ABCC3: variants seen among roughly 807,000 people sequenced by gnomAD.
ABCC3 encodes ATP-binding cassette sub-family C member 3.
Under a neutral mutation model 165.3 loss-of-function variants are expected in ABCC3, and 121 were observed. That is an observed-to-expected ratio of 0.73 (90% CI 0.63 to 0.85). ABCC3 has a LOEUF of 0.85. Ranked by LOEUF, ABCC3 falls within the 40% of genes least tolerant of loss-of-function variation. ABCC3 has a pLI of 0.00. For missense variants in ABCC3, 1,869 were observed against 1,964.1 expected, an observed-to-expected ratio of 0.95 and a Z score of 0.92; for synonymous variants, 733 against 810.1, an observed-to-expected ratio of 0.90 and a Z score of 1.62.
rs1400933746 is a variant in ABCC3, at chr17:50,656,016, G to C, written c.222+8G>C. The C allele has an allele frequency of 2.5e-6, 4 of 1,611,478 alleles. No individual in the cohort carries two copies. Among genetic ancestry groups the C allele is most frequent in the African/African-American group, 1.3e-5 (1 of 74,836 alleles). ...CTGTCCAAGCTCAAGATGGTCAGTG[G>C]CTCAGGGATCTCCTACCGATGGGGC... is the stretch of plus-strand genomic sequence containing the variant. On this transcript the variant is annotated splice_region_variant and intron_variant, in intron 2 of 30. Coordinates refer to ENST00000285238, the MANE Select transcript of ABCC3 (RefSeq NM_003786.4).
rs748069644 is a variant in ABCC3, at chr17:50,664,099, C to A, written c.1326C>A (p.Tyr442Ter). The change falls in exon 10 of 31, where the codon TAC becomes TAA. Residue 442 changes from tyrosine to a stop codon, truncating the protein, a stop_gained. Transcript: ENST00000285238. LOFTEE classifies it high-confidence loss of function. ...SAPLQIILAI[Y>*]FLWQNLGPSV... ...CCCTGCAGATCATCCTGGCGATCTA[C>A]TTCCTCTGGCAGGTGACTCTCCAAC... 1.2e-6 allele frequency: 2 copies of A among 1,614,214 alleles called. No homozygotes were observed. The highest frequency in any genetic ancestry group is 1.7e-6 in the Non-Finnish European group (2 of 1,180,032).
In ABCC3 at chr17:50,656,735, G is replaced by A. The variant is rs375256776; in HGVS notation, c.256G>A (p.Ala86Thr). The change falls in exon 3 of 31, where the codon GCG (alanine) becomes ACG (threonine). Residue 86 changes from alanine (A) to threonine (T), a missense_variant. Transcript: ENST00000285238. ...TGTCCTGCTGTGGTGCGTCTCCTGG[G>A]CGGACCTTTTTTACTCCTTCCATGG... The part of the protein sequence containing the change: ...LGVLLWCVSW[A>T]DLFYSFHGLV... 6.2e-7 allele frequency: 1 copy of A among 1,613,802 alleles called. No individual in the cohort carries two copies. The highest frequency in any genetic ancestry group is 1.7e-5 in the Admixed American group (1 of 59,932).
intron 1 of ABCC3, among the ~76,000 whole-genome samples, chr17:50,637,974 A>G (rs1276991202): frequency 6.6e-6 from 1 of 152,208 alleles, no homozygotes. Flanking sequence ...GGACATGTGT[A>G]CACACATCTG....
rs184496253 is a variant in ABCC3 at position 50,663,488 on chromosome 17, G to A, written c.999-193G>A. The A allele has an allele frequency of 2.4e-4, 149 of 618,492 alleles. No homozygotes were observed. The African/African-American group carries it at 2.6e-3, about 11-fold the overall frequency. The allele number at this position is 618,492 out of a possible 1,614,324, so 38.3% of individuals were successfully genotyped here. On this transcript the variant is annotated intron_variant, in intron 8 of 30. Transcript: ENST00000285238. ...ATGGTGGATAGAGAACGAGGTGAAGGCAGAGTGGAGCCAGGAGGTCGTGGT... is the reference window on the plus strand; with the variant it reads ...ATGGTGGATAGAGAACGAGGTGAAGACAGAGTGGAGCCAGGAGGTCGTGGT...
At chr17:50,684,161 C>G (rs1967979903) in intron 28 of ABCC3, 54 bp downstream of exon 28, 3 of 1,584,174 alleles carry the variant, frequency 1.9e-6, no homozygotes, top group African/African-American at 1.4e-5. Context: ...GAGGCAGGCC[C>G]CACCTTGTTC....
intron 8 of ABCC3, 112 bp downstream of exon 8, chr17:50,661,226 G>A: frequency 1.7e-6 from 2 of 1,166,628 alleles, no homozygotes; most frequent in Non-Finnish European, 2.3e-6. Context: ...AGGAACCAGG[G>A]AGGCTAGCTC....
rs1398694533 is a variant in ABCC3, at chr17:50,673,082, G to A, written c.2353G>A (p.Val785Met). The part of the protein sequence containing the change: ...DDPLSAVDSH[V>M]AKHIFDHVIG... ...CCCACTGTCCGCGGTGGACTCTCAT[G>A]TGGCCAAGCACATCTTTGACCACGT... Residue 785 changes from valine to methionine, a missense_variant, in exon 18 of 31, where the codon GTG becomes ATG. Transcript: ENST00000285238. The A allele has an allele frequency of 6.2e-7, 1 of 1,614,172 alleles. No individual in the cohort carries two copies. Among genetic ancestry groups the A allele is most frequent in the Non-Finnish European group, 8.5e-7 (1 of 1,180,042 alleles).
At chr17:50,668,721 C>A in intron 14 of ABCC3, 132 bp from the exon 15 acceptor site, 1 of 842,574 alleles carries the variant, frequency 1.2e-6, no homozygotes, top group East Asian at 2.6e-5. Context: ...TTCTTCCTCC[C>A]TTTTCCCAAG....
At chr17:50,636,138 G>T (rs148024934) in intron 1 of ABCC3, among the ~76,000 whole-genome samples, 1 of 152,160 alleles carries the variant, frequency 6.6e-6, no homozygotes, top group Non-Finnish European at 1.5e-5. Flanking sequence ...CATTAAAGGG[G>T]TGTCCAGGGC....
intron 6 of ABCC3, among the ~76,000 whole-genome samples, chr17:50,658,955 C>T (rs962686101): frequency 6.6e-6 from 1 of 152,190 alleles, no homozygotes; most frequent in Non-Finnish European, 1.5e-5. Flanking sequence ...ACCCAGGGCC[C>T]CAGGCAGCGT....
Position 50,634,997 on chromosome 17 carries a change from C to T in ABCC3, c.45+16C>T. The T allele has an allele frequency of 7.9e-7, 1 of 1,258,614 alleles. No homozygotes were observed. The highest frequency in any genetic ancestry group is 1.0e-6 in the Non-Finnish European group (1 of 1,000,296). The allele number at this position is 1,258,614 out of a possible 1,614,324, so 78.0% of individuals were successfully genotyped here. A position where few individuals can be genotyped will look rare whatever the true frequency, so the allele number is the denominator to read the frequency against. ...CAAGTTCTGGGTAAGGCGCGGGGCT[C>T]CGGGGTCACTGCGCGGGGGCCAGGG... On this transcript the variant is annotated intron_variant, in intron 1 of 30. Transcript: ENST00000285238.
intron 30 of ABCC3, 25 bp from the exon 31 acceptor site, chr17:50,691,067 G>T: frequency 6.3e-7 from 1 of 1,587,226 alleles, no homozygotes; most frequent in South Asian, 1.1e-5. Context: ...ATGGAAACCT[G>T]ACCACTTCTC....
intron 1 of ABCC3, chr17:50,643,687 C>T (rs1292371404): frequency 2.2e-6 from 1 of 455,148 alleles, no homozygotes; most frequent in Non-Finnish European, 4.4e-6. Context: ...GGCCTGTCAC[C>T]CCTCCCTGGA....
chr17:50,676,025 CAGACAGT>C lies in ABCC3; in HGVS notation c.3009_3015del (p.Ser1003ArgfsTer6). The C allele has an allele frequency of 6.2e-7, 1 of 1,614,196 alleles. No individual in the cohort carries two copies. Among genetic ancestry groups the C allele is most frequent in the Non-Finnish European group, 8.5e-7 (1 of 1,180,042 alleles). On this transcript the variant is annotated frameshift_variant, in exon 22 of 31. Transcript: ENST00000285238. LOFTEE classifies it high-confidence loss of function. ...AGTGCCTGGACAAATGATGCCATGG[CAGACAGT>C]AGACAGAACAACACTTCCCTGAGGC...
chr17:50,669,529 G>C lies in ABCC3; in HGVS notation c.2241+1G>C. On this transcript the variant is annotated splice_donor_variant, in intron 17 of 30. Transcript: ENST00000285238. LOFTEE classifies it high-confidence loss of function. ...GGATCAGACAGAGATTGGAGAGAAG[G>C]TACAGAGTCCTCTTCCATCCCTAAG... 6.2e-7 allele frequency: 1 copy of C among 1,613,884 alleles called. No individual in the cohort carries two copies. The highest frequency in any genetic ancestry group is 8.5e-7 in the Non-Finnish European group (1 of 1,179,792).
chr17:50,669,056 A>C, intron 15 of ABCC3, 84 bp from the exon 16 acceptor site: 1 of 1,596,100 alleles, frequency 6.3e-7, no homozygotes, highest in Non-Finnish European at 8.6e-7. Flanking sequence ...GGAAGGGCGG[A>C]GGGCTTGGTT....
Position 50,661,008 on chromosome 17 carries a change from T to C in ABCC3, c.892T>C (p.Ser298Pro), listed in dbSNP as rs773720262. Residue 298 changes from serine (S) to proline (P), a missense_variant, in exon 8 of 31, where the codon TCC becomes CCC. Transcript: ENST00000285238. ...TGCCCGGCCCAGGCCCCGGAAGCCC[T>C]CCTTCCTGAAGGCCCTGCTGGCCAC... ...LGARPRPRKP[S>P]FLKALLATFG... 2 of 1,614,104 alleles carry C rather than the reference T, an allele frequency of 1.2e-6. No homozygotes were observed. Among genetic ancestry groups the C allele is most frequent in the Admixed American group, 3.3e-5 (2 of 60,024 alleles).
rs746916297 is a variant in ABCC3, at chr17:50,673,150, C to T, written c.2409+12C>T. On this transcript the variant is annotated intron_variant, in intron 18 of 30. Transcript: ENST00000285238. Reference sequence around the variant, plus strand: ...TGCTGGCAGGCAAGGTGAGGCCTGCCAGAGGCTAAGGGGGCTAAGGTGAGA... The same window carrying T: ...TGCTGGCAGGCAAGGTGAGGCCTGCTAGAGGCTAAGGGGGCTAAGGTGAGA... 3.1e-6 allele frequency: 5 copies of T among 1,613,074 alleles called. No individual in the cohort carries two copies. Among genetic ancestry groups the T allele is most frequent in the East Asian group, 4.5e-5 (2 of 44,884 alleles).
In ABCC3 at chr17:50,656,791, T is replaced by G. The variant is rs1462449686; in HGVS notation, c.312T>G (p.Val104=). 1 of 1,613,580 alleles carries G rather than the reference T, an allele frequency of 6.2e-7. No homozygotes were observed. Among genetic ancestry groups the G allele is most frequent in the African/African-American group, 1.3e-5 (1 of 74,886 alleles). Reference sequence around the variant, plus strand: ...TCCATGGCCGGGCCCCTGCCCCTGTTTTCTTTGTCACCCCCTTGGTGGTGG... The same window carrying G: ...TCCATGGCCGGGCCCCTGCCCCTGTGTTCTTTGTCACCCCCTTGGTGGTGG... ...GLVHGRAPAP[V]FFVTPLVVGV... is the part of the protein sequence containing the mutation. Residue 104 remains valine (V), a synonymous_variant, in exon 3 of 31, where the codon GTT becomes GTG. Coordinates refer to ENST00000285238, the MANE Select transcript of ABCC3 (RefSeq NM_003786.4).
Sources: gnomAD v4.1 joint callset for allele counts (sites outside exome capture counted in the v4.1 genomes callset) on GRCh38, gnomAD v4.1.1 for gene constraint, MANE v1.5 for transcripts, NCBI Gene and HGNC (gene_info 2026-07-23, HGNC 2026-07-21) for gene names.